The following SPAG16 variants were observed in gnomAD, a reference collection of about 807,000 sequenced individuals.
SPAG16 encodes sperm associated antigen 16.
Under a neutral mutation model 80.4 loss-of-function variants are expected in SPAG16, and 86 were observed. That is an observed-to-expected ratio of 1.07 (90% CI 0.90 to 1.28). The LOEUF is 1.28. Ranked by LOEUF, SPAG16 falls within the 50% of genes most tolerant of loss-of-function variation. The pLI is 0.00. For synonymous variants in SPAG16, 294 were observed against 265.9 expected (o/e 1.11, Z -1.03); for missense variants, 870 against 765.3 (o/e 1.14, Z -1.61).
intron 12 of SPAG16, among the ~76,000 whole-genome samples, chr2:213,941,316 C>T (rs2079187538): frequency 6.6e-6 from 1 of 152,146 alleles, no homozygotes; most frequent in Non-Finnish European, 1.5e-5. Context: ...GCCTGTAACT[C>T]CTTCTTTTTA....
intron 10 of SPAG16, among the ~76,000 whole-genome samples, chr2:213,774,939 C>G (rs1466460231): frequency 6.6e-6 from 1 of 152,176 alleles, no homozygotes; most frequent in Non-Finnish European, 1.5e-5. Flanking sequence ...ATCTCCTACT[C>G]AGCTCCCATT....
intron 12 of SPAG16, among the ~76,000 whole-genome samples, chr2:214,010,465 G>T (rs2047229907): frequency 6.8e-6 from 1 of 146,606 alleles, no homozygotes; most frequent in South Asian, 2.1e-4. Flanking sequence ...TTCCATTAGG[G>T]TATGCTGTGC....
intron 15 of SPAG16, chr2:214,311,575 T>TCTAA (rs34850431): frequency 0.59 from 88,779 of 151,472 alleles, 27,089 homozygotes; most frequent in South Asian, 0.7. Context: ...TTGTCAGGAC[T>TCTAA]CTAACTTCCT....
chr2:214,388,257 A>G (rs1700871372), intron 15 of SPAG16, among the ~76,000 whole-genome samples: 1 of 152,086 alleles, frequency 6.6e-6, no homozygotes, highest in East Asian at 1.9e-4. Flanking sequence ...CACATAAAAT[A>G]GCAGGGTCCC....
intron 12 of SPAG16, among the ~76,000 whole-genome samples, chr2:213,980,232 TTC>T (rs1281115134): frequency 0.045 from 5,130 of 114,634 alleles, 334 homozygotes; most frequent in African/African-American, 0.097. Flanking sequence ...TGTATATATA[TTC>T]TCTATATATA....
intron 11 of SPAG16, among the ~76,000 whole-genome samples, chr2:213,870,516 A>C (rs546758407): frequency 6.6e-6 from 1 of 152,318 alleles, no homozygotes; most frequent in African/African-American, 2.4e-5. Flanking sequence ...TTTTAAAATC[A>C]GACTTATTTT....
chr2:213,624,951 C>T (rs1574539372), intron 10 of SPAG16, among the ~76,000 whole-genome samples: 1 of 152,046 alleles, frequency 6.6e-6, no homozygotes, highest in Non-Finnish European at 1.5e-5. Flanking sequence ...CCACCATGCC[C>T]AGCTAATTTT....
intron 10 of SPAG16, among the ~76,000 whole-genome samples, chr2:213,558,019 T>C (rs2059483489): frequency 6.6e-6 from 1 of 152,186 alleles, no homozygotes; most frequent in Non-Finnish European, 1.5e-5. Context: ...ACTTGGCATG[T>C]AAGCAATTTT....
intron 10 of SPAG16, among the ~76,000 whole-genome samples, chr2:213,677,467 C>T (rs2064144573): frequency 6.6e-6 from 1 of 151,910 alleles, no homozygotes; most frequent in Non-Finnish European, 1.5e-5. Context: ...GGGTTGCAAT[C>T]CTAGTCTCTG....
At chr2:213,916,501 C>G (rs10197830) in intron 11 of SPAG16, among the ~76,000 whole-genome samples, 138,588 of 152,252 alleles carry the variant, frequency 0.91, 64,366 homozygotes, top group Non-Finnish European at 1. Flanking sequence ...GTACCATGCT[C>G]TTTGGGTTAC....
At chr2:213,763,052 C>A (rs1027158219) in intron 10 of SPAG16, among the ~76,000 whole-genome samples, 3 of 152,102 alleles carry the variant, frequency 2.0e-5, no homozygotes, top group Admixed American at 6.5e-5. Flanking sequence ...TCACTAATCA[C>A]CAGAGAAATG....
At chr2:213,707,788 C>CT (rs561923063) in intron 10 of SPAG16, among the ~76,000 whole-genome samples, 38 of 152,148 alleles carry the variant, frequency 2.5e-4, no homozygotes, top group South Asian at 6.2e-4. Context: ...CCTATAATTA[C>CT]TTTTTTGTTA....
At chr2:214,121,110 A>T (rs745516591) in intron 14 of SPAG16, among the ~76,000 whole-genome samples, 1 of 151,824 alleles carries the variant, frequency 6.6e-6, no homozygotes, top group Non-Finnish European at 1.5e-5. Context: ...ACCAGAATTC[A>T]GGGAAAAGAA....
chr2:213,746,112 C>T (rs193080917), intron 10 of SPAG16, among the ~76,000 whole-genome samples: 9 of 152,332 alleles, frequency 5.9e-5, no homozygotes, highest in African/African-American at 1.9e-4. Flanking sequence ...TACTGAAATT[C>T]TGACCCCTGG....
chr2:213,369,170 G>A (rs1251918708), intron 8 of SPAG16, among the ~76,000 whole-genome samples: 2 of 152,140 alleles, frequency 1.3e-5, no homozygotes, highest in Admixed American at 1.3e-4. Flanking sequence ...ATGCAGGCAA[G>A]CTCGGAGATT....
chr2:213,812,092 G>A (rs1177082654), intron 10 of SPAG16, among the ~76,000 whole-genome samples: 1 of 152,156 alleles, frequency 6.6e-6, no homozygotes, highest in African/African-American at 2.4e-5. Context: ...CAGGAAGACA[G>A]TTTTCAGTTG....
chr2:214,102,244 A>G (rs1489941482), intron 13 of SPAG16, among the ~76,000 whole-genome samples: 3 of 151,514 alleles, frequency 2.0e-5, no homozygotes, highest in African/African-American at 7.3e-5. Flanking sequence ...GGAGTGGATG[A>G]GTTTGTCTTG....
intron 15 of SPAG16, among the ~76,000 whole-genome samples, chr2:214,221,390 G>A (rs534341200): frequency 5.9e-5 from 9 of 151,742 alleles, no homozygotes; most frequent in African/African-American, 9.7e-5. Context: ...CATTTGTCTC[G>A]ATTTTCTTCA....
intron 10 of SPAG16, among the ~76,000 whole-genome samples, chr2:213,511,661 T>A (rs1407213151): frequency 6.6e-6 from 1 of 152,138 alleles, no homozygotes; most frequent in Non-Finnish European, 1.5e-5. Flanking sequence ...TATCTTCATA[T>A]AACAATAGCT....
Sources: allele counts gnomAD v4.1 joint callset (sites outside exome capture counted in the v4.1 genomes callset), GRCh38; gene constraint gnomAD v4.1.1; transcripts MANE v1.5; gene names NCBI Gene and HGNC (gene_info 2026-07-23, HGNC 2026-07-21).